APBA2: variants seen among roughly 807,000 people sequenced by gnomAD.
APBA2 encodes amyloid-beta A4 precursor protein-binding family A member 2.
In APBA2, 30 loss-of-function variants were observed where a neutral mutation model predicts 75.0. The observed-to-expected ratio is 0.40, with a 90% CI of 0.30 to 0.54. The LOEUF is 0.54. Ranked by LOEUF, APBA2 falls within the 20% of genes least tolerant of loss-of-function variation. APBA2 has a pLI of 0.49. For synonymous variants in APBA2, 444 were observed against 409.6 expected (o/e 1.08, Z -1.01); for missense variants, 801 against 1,016.1 (o/e 0.79, Z 2.88).
chr15:28,926,675 G>A (rs994841990), intron 2 of APBA2, among the ~76,000 whole-genome samples: 1 of 151,914 alleles, frequency 6.6e-6, no homozygotes, highest in African/African-American at 2.4e-5. Flanking sequence ...TCTGTATGAA[G>A]AAAAATCTTT....
intron 2 of APBA2, among the ~76,000 whole-genome samples, chr15:28,984,853 ATC>A (rs66710666): frequency 0.29 from 21,037 of 73,590 alleles, 5,778 homozygotes; most frequent in African/African-American, 0.66. Context: ...GAGCTGCTCT[ATC>A]TCTCTCTCTC....
chr15:28,966,598 GGTAGCTT>G (rs1376976654), intron 2 of APBA2, among the ~76,000 whole-genome samples: 1 of 152,016 alleles, frequency 6.6e-6, no homozygotes, highest in African/African-American at 2.4e-5. Flanking sequence ...GTTTCTTGTA[GGTAGCTT>G]GTAGGTTATT....
chr15:29,007,771 T>G (rs2039197938), intron 3 of APBA2, among the ~76,000 whole-genome samples: 1 of 152,066 alleles, frequency 6.6e-6, no homozygotes. Context: ...CTTGTGCACT[T>G]TAGGTGGGAA....
chr15:29,117,443 T>G lies in APBA2; in HGVS notation c.*310T>G. 1 of 454,630 alleles carries G rather than the reference T, an allele frequency of 2.2e-6. No individual in the cohort carries two copies. The highest frequency in any genetic ancestry group is 4.3e-5 in the East Asian group (1 of 23,350). The allele number at this position is 454,630 out of a possible 1,614,324, so 28.2% of individuals were successfully genotyped here. ...CGGTAGCTGTGCGTGGTGTGGAGTG[T>G]GTGTCTTTCCTCCCTGAAGCTGTGC... is the stretch of plus-strand genomic sequence containing the variant. On this transcript the variant is annotated 3_prime_UTR_variant, in exon 15 of 15. Transcript: ENST00000683413.
chr15:28,915,426 CAT>C (rs1455492524), intron 1 of APBA2, among the ~76,000 whole-genome samples: 6 of 150,584 alleles, frequency 4.0e-5, no homozygotes, highest in African/African-American at 1.5e-4. Context: ...ACACCACACA[CAT>C]ACCATACACA....
At chr15:28,967,193 T>G (rs1037377063) in intron 2 of APBA2, among the ~76,000 whole-genome samples, 4 of 152,226 alleles carry the variant, frequency 2.6e-5, no homozygotes, top group Non-Finnish European at 4.4e-5. Flanking sequence ...GCAAATTTAT[T>G]GAGTCATAAT....
chr15:29,094,323 G>A lies in APBA2; in HGVS notation c.1251+10G>A, dbSNP rs1247051083. ...GATCAAGAAAAAAGCGGTGTGTAGG[G>A]CCTTGAGGCCCTGGGACAGTGTTGT... On this transcript the variant is annotated intron_variant, in intron 8 of 14. Coordinates refer to ENST00000683413, the MANE Select transcript of APBA2 (RefSeq NM_001353788.2). The A allele has an allele frequency of 1.2e-6, 2 of 1,613,844 alleles. No homozygotes were observed. Among genetic ancestry groups the A allele is most frequent in the Non-Finnish European group, 1.7e-6 (2 of 1,179,780 alleles).
At chr15:28,959,076 C>T (rs2036326761) in intron 2 of APBA2, among the ~76,000 whole-genome samples, 1 of 152,154 alleles carries the variant, frequency 6.6e-6, no homozygotes, top group East Asian at 1.9e-4. Flanking sequence ...GCAACCTCCA[C>T]CTCCTGGGTT....
chr15:28,932,074 C>CACA (rs2034594306), intron 2 of APBA2, among the ~76,000 whole-genome samples: 1 of 152,148 alleles, frequency 6.6e-6, no homozygotes, highest in Non-Finnish European at 1.5e-5. Context: ...CCACAGTTGC[C>CACA]TAGACCGACC....
chr15:29,005,115 A>G (rs2039045248), intron 3 of APBA2, among the ~76,000 whole-genome samples: 1 of 152,228 alleles, frequency 6.6e-6, no homozygotes, highest in Non-Finnish European at 1.5e-5. Flanking sequence ...AGGCGTAGAT[A>G]GGGGCCGAAA....
At chr15:28,971,446 A>T (rs1045533035) in intron 2 of APBA2, among the ~76,000 whole-genome samples, 1 of 152,204 alleles carries the variant, frequency 6.6e-6, no homozygotes, top group Admixed American at 6.5e-5. Context: ...AGCCATCAGG[A>T]CCGGGCACAG....
chr15:29,045,103 C>CTCTCTCT (rs57446098), intron 3 of APBA2, among the ~76,000 whole-genome samples: 5 of 140,274 alleles, frequency 3.6e-5, no homozygotes, highest in South Asian at 2.4e-4. Context: ...CTCTCTCTCT[C>CTCTCTCT]GTCTCGCACT....
At chr15:28,886,469 C>T (rs2031731060) in intron 1 of APBA2, among the ~76,000 whole-genome samples, 191 bp downstream of exon 1, 1 of 150,656 alleles carries the variant, frequency 6.6e-6, no homozygotes, top group Non-Finnish European at 1.5e-5. Context: ...AGCCCGGCGG[C>T]CCCACTCCTC....
At chr15:28,890,482 A>G (rs147538694) in intron 1 of APBA2, among the ~76,000 whole-genome samples, 42,001 of 152,072 alleles carry the variant, frequency 0.28, 6,093 homozygotes, top group Non-Finnish European at 0.3. Context: ...ATGTAATGTC[A>G]GACTCTGTCC....
At chr15:28,993,040 T>C (rs748898824) in intron 2 of APBA2, among the ~76,000 whole-genome samples, 1 of 151,906 alleles carries the variant, frequency 6.6e-6, no homozygotes, top group African/African-American at 2.4e-5. Context: ...AGGAAGAGGA[T>C]GGAGTGATGT....
At chr15:28,893,793 G>A (rs571329850) in intron 1 of APBA2, 1 of 152,340 alleles carries the variant, frequency 6.6e-6, no homozygotes, top group South Asian at 2.1e-4. Context: ...TCCTGATTAT[G>A]TCTCTCCCTT....
chr15:28,968,398 C>T (rs149392943), intron 2 of APBA2, among the ~76,000 whole-genome samples: 1 of 152,192 alleles, frequency 6.6e-6, no homozygotes, highest in Non-Finnish European at 1.5e-5. Flanking sequence ...CTTACAAACA[C>T]GTGTGGAAGA....
intron 14 of APBA2, among the ~76,000 whole-genome samples, chr15:29,114,938 CGGCTGT>C (rs1287005830): frequency 2.7e-5 from 4 of 148,142 alleles, no homozygotes; most frequent in Admixed American, 6.7e-5. Context: ...TATGTGTGCA[CGGCTGT>C]GGCTGTGGGT....
At chr15:29,111,944 C>T (rs1009192711) in intron 13 of APBA2, among the ~76,000 whole-genome samples, 2 of 152,172 alleles carry the variant, frequency 1.3e-5, no homozygotes, top group Non-Finnish European at 2.9e-5. Flanking sequence ...GGATAGGACC[C>T]GCAGTCCCAA....
Sources: gnomAD v4.1 joint callset for allele counts (sites outside exome capture counted in the v4.1 genomes callset) on GRCh38, gnomAD v4.1.1 for gene constraint, MANE v1.5 for transcripts, NCBI Gene and HGNC (gene_info 2026-07-23, HGNC 2026-07-21) for gene names.